The following FGGY variants were observed in gnomAD, a reference collection of about 807,000 sequenced individuals.
FGGY encodes the protein FGGY carbohydrate kinase domain containing, also known as FGGY carbohydrate kinase domain-containing protein.
Under a neutral mutation model 71.3 loss-of-function variants are expected in FGGY, and 72 were observed. The observed-to-expected ratio is 1.01, with a 90% CI of 0.84 to 1.23. The LOEUF (loss-of-function observed/expected upper bound fraction) is 1.23. FGGY is among the 50% of genes most tolerant of loss of function. FGGY has a pLI of 0.00. For synonymous variants in FGGY, 251 were observed against 250.3 expected (o/e 1.00, Z -0.02); for missense variants, 668 against 682.3 (o/e 0.98, Z 0.23).
chr1:59,489,731 C>T (rs1368498783), intron 6 of FGGY, among the ~76,000 whole-genome samples: 1 of 152,064 alleles, frequency 6.6e-6, no homozygotes, highest in African/African-American at 2.4e-5. Flanking sequence ...GATAAATGCC[C>T]CAGTGGTGGG....
chr1:59,299,642 A>G (rs908611577), intron 1 of FGGY, among the ~76,000 whole-genome samples: 1 of 144,312 alleles, frequency 6.9e-6, no homozygotes, highest in East Asian at 2.3e-4. Flanking sequence ...ATTTACTTCT[A>G]TAGAAGGGTG....
intron 8 of FGGY, among the ~76,000 whole-genome samples, chr1:59,561,514 G>A (rs1227628821): frequency 1.3e-5 from 2 of 152,130 alleles, no homozygotes; most frequent in African/African-American, 2.4e-5. Context: ...ACATTATGCT[G>A]GACTGAGTAT....
chr1:59,741,979 A>C (rs1418599869), intron 14 of FGGY, among the ~76,000 whole-genome samples: 3 of 150,140 alleles, frequency 2.0e-5, no homozygotes, highest in African/African-American at 7.4e-5. Context: ...TGGTGCATAC[A>C]TGTAGTCCCA....
At chr1:59,555,330 A>G (rs1228114587) in intron 8 of FGGY, among the ~76,000 whole-genome samples, 1 of 152,234 alleles carries the variant, frequency 6.6e-6, no homozygotes, top group Non-Finnish European at 1.5e-5. Flanking sequence ...TGAGGGAGCC[A>G]GCCCGAGTGG....
At chr1:59,508,495 A>T (rs2094446486) in intron 6 of FGGY, among the ~76,000 whole-genome samples, 1 of 152,232 alleles carries the variant, frequency 6.6e-6, no homozygotes, top group African/African-American at 2.4e-5. Flanking sequence ...AAGAAAAGCC[A>T]AACAAGGATT....
chr1:59,734,378 G>GT (rs1285817440), intron 14 of FGGY, among the ~76,000 whole-genome samples: 4 of 152,104 alleles, frequency 2.6e-5, no homozygotes, highest in East Asian at 1.9e-4. Flanking sequence ...AATTTTTTGT[G>GT]TTTTTTTGTA....
intron 14 of FGGY, among the ~76,000 whole-genome samples, chr1:59,714,274 G>A (rs1336258137): frequency 1.3e-5 from 2 of 152,176 alleles, no homozygotes; most frequent in African/African-American, 2.4e-5. Context: ...AGGAAGCCAT[G>A]GTGACCAGTG....
At chr1:59,373,260 C>T (rs1447190250) in intron 4 of FGGY, among the ~76,000 whole-genome samples, 2 of 152,072 alleles carry the variant, frequency 1.3e-5, no homozygotes, top group Admixed American at 1.3e-4. Flanking sequence ...TTCTTATACA[C>T]CAATAACAGA....
Position 59,339,962 on chromosome 1 carries a change from T to C in FGGY, c.206T>C (p.Val69Ala). The stretch of plus-strand genomic sequence containing the variant: ...TTTTATTTGTTTTTAAAACAGAAAG[T>C]TGTACAAGGGATTGATTTAAACCAA... ...WAACCVVTKK[V>A]VQGIDLNQIR... Residue 69 changes from valine (V) to alanine (A), a missense_variant, in exon 3 of 16, where the codon GTT becomes GCT. Val to Ala is a moderately conservative substitution (Grantham distance 64, BLOSUM62 0). Coordinates refer to ENST00000303721, the MANE Select transcript of FGGY (RefSeq NM_018291.5). 1 of 1,604,036 alleles carries C rather than the reference T, an allele frequency of 6.2e-7. No individual in the cohort carries two copies. The highest frequency in any genetic ancestry group is 1.1e-5 in the South Asian group (1 of 90,236).
At chr1:59,631,454 T>A (rs1372767013) in intron 10 of FGGY, among the ~76,000 whole-genome samples, 1 of 152,228 alleles carries the variant, frequency 6.6e-6, no homozygotes, top group Non-Finnish European at 1.5e-5. Flanking sequence ...TGTGTCTTAT[T>A]AGATCTATGA....
intron 9 of FGGY, among the ~76,000 whole-genome samples, chr1:59,621,546 C>G (rs1572212124): frequency 7.0e-6 from 1 of 143,688 alleles, no homozygotes; most frequent in East Asian, 2.0e-4. Context: ...TATTTTTTTT[C>G]AATGCATTTA....
intron 11 of FGGY, among the ~76,000 whole-genome samples, chr1:59,651,057 A>G (rs567800490): frequency 0.061 from 9,062 of 147,672 alleles, 795 homozygotes; most frequent in African/African-American, 0.2. Context: ...GTAGCTGAGC[A>G]GCTTTGAGTG....
chr1:59,590,058 A>G (rs1396455901), intron 8 of FGGY, among the ~76,000 whole-genome samples: 4 of 152,184 alleles, frequency 2.6e-5, no homozygotes, highest in Non-Finnish European at 5.9e-5. Flanking sequence ...AATAAAGAAG[A>G]AAAGAGAGAA....
chr1:59,588,002 C>T (rs1303732349), intron 8 of FGGY, among the ~76,000 whole-genome samples: 1 of 152,090 alleles, frequency 6.6e-6, no homozygotes, highest in Non-Finnish European at 1.5e-5. Context: ...TTCCAAGCTA[C>T]AGAAGGAAAT....
At chr1:59,356,670 G>T (rs2054372970) in intron 4 of FGGY, among the ~76,000 whole-genome samples, 1 of 152,144 alleles carries the variant, frequency 6.6e-6, no homozygotes, top group South Asian at 2.1e-4. Context: ...TGATGGCTAG[G>T]TGCATTTGTC....
chr1:59,472,943 C>T (rs2093044742), intron 6 of FGGY, among the ~76,000 whole-genome samples: 1 of 152,040 alleles, frequency 6.6e-6, no homozygotes, highest in Non-Finnish European at 1.5e-5. Flanking sequence ...CTTGGAGAAC[C>T]TTTGTGTCTA....
intron 9 of FGGY, among the ~76,000 whole-genome samples, chr1:59,624,241 A>T (rs1482532407): frequency 6.6e-6 from 1 of 152,144 alleles, no homozygotes; most frequent in Non-Finnish European, 1.5e-5. Flanking sequence ...AGACAATATG[A>T]CGTGGTGGTT....
chr1:59,752,799 G>T (rs761078854), intron 14 of FGGY, among the ~76,000 whole-genome samples: 1 of 152,102 alleles, frequency 6.6e-6, no homozygotes, highest in African/African-American at 2.4e-5. Flanking sequence ...TCTCAGCCTC[G>T]ACACACCAGG....
At chr1:59,697,174 C>A (rs941326073) in intron 14 of FGGY, among the ~76,000 whole-genome samples, 1 of 152,096 alleles carries the variant, frequency 6.6e-6, no homozygotes, top group African/African-American at 2.4e-5. Context: ...TGGTTGTATT[C>A]TTTTGTTTGT....
Sources: allele counts gnomAD v4.1 joint callset (sites outside exome capture counted in the v4.1 genomes callset), GRCh38; gene constraint gnomAD v4.1.1; transcripts MANE v1.5; gene names NCBI Gene and HGNC (gene_info 2026-07-23, HGNC 2026-07-21).